Variants in PLEKHA5 observed in about 807,000 individuals in gnomAD.
PLEKHA5 encodes pleckstrin homology domain-containing family A member 5.
In PLEKHA5, 55 loss-of-function variants were observed where a neutral mutation model predicts 181.9. The ratio of observed to expected loss-of-function variants is 0.30; its 90% confidence interval spans 0.24 to 0.38. PLEKHA5 has a LOEUF of 0.38. Among genes scored for constraint, PLEKHA5 ranks in the 10% least tolerant of loss-of-function variants. The pLI, the probability that PLEKHA5 is intolerant of heterozygous loss-of-function variation, is 1.00. For missense variants in PLEKHA5, 1,432 were observed against 1,549.5 expected, an observed-to-expected ratio of 0.92 and a Z score of 1.27; for synonymous variants, 535 against 529.4, an observed-to-expected ratio of 1.01 and a Z score of -0.15.
chr12:19,360,819 G>A (rs59195426), intron 28 of PLEKHA5, among the ~76,000 whole-genome samples: 1 of 151,578 alleles, frequency 6.6e-6, no homozygotes, highest in African/African-American at 2.4e-5. Flanking sequence ...ACAGTGGCGT[G>A]ATCTTGGCTC....
intron 21 of PLEKHA5, among the ~76,000 whole-genome samples, chr12:19,341,469 G>A (rs959078090): frequency 5.3e-5 from 8 of 151,898 alleles, no homozygotes; most frequent in African/African-American, 1.5e-4. Flanking sequence ...GTTATTTATA[G>A]TGACCTTCCC....
At chr12:19,237,838 A>T (rs540045745) in intron 3 of PLEKHA5, among the ~76,000 whole-genome samples, 132 of 152,078 alleles carry the variant, frequency 8.7e-4, no homozygotes, top group African/African-American at 3.1e-3. Flanking sequence ...TAAAAGCATT[A>T]GTTTAAAAAG....
chr12:19,219,077 TTA>T (rs1281816754), intron 3 of PLEKHA5, among the ~76,000 whole-genome samples: 1 of 152,074 alleles, frequency 6.6e-6, no homozygotes, highest in Non-Finnish European at 1.5e-5. Context: ...GCTGGTCCAC[TTA>T]TATGTGGATT....
At chr12:19,347,595 A>G (rs1015679091) in intron 24 of PLEKHA5, among the ~76,000 whole-genome samples, 1 of 152,076 alleles carries the variant, frequency 6.6e-6, no homozygotes, top group Non-Finnish European at 1.5e-5. Context: ...TAGGAAAACT[A>G]CTCAAAGATG....
intron 3 of PLEKHA5, among the ~76,000 whole-genome samples, chr12:19,240,138 G>A (rs1431543431): frequency 3.9e-5 from 6 of 152,094 alleles, no homozygotes; most frequent in Non-Finnish European, 7.4e-5. Context: ...AATACTGCAC[G>A]ATACGGAATA....
chr12:19,258,561 C>CTTTTTTTTTTT (rs71440398), intron 6 of PLEKHA5, among the ~76,000 whole-genome samples: 7 of 123,796 alleles, frequency 5.7e-5, no homozygotes, highest in Non-Finnish European at 9.6e-5. Flanking sequence ...TTTTCTTTTT[C>CTTTTTTTTTTT]TTTTTTTTTT....
chr12:19,249,481 T>G (rs1433466569), intron 3 of PLEKHA5, among the ~76,000 whole-genome samples: 1 of 152,172 alleles, frequency 6.6e-6, no homozygotes, highest in African/African-American at 2.4e-5. Flanking sequence ...AGCTCACAAT[T>G]TAAAACTTAA....
intron 3 of PLEKHA5, among the ~76,000 whole-genome samples, chr12:19,239,514 C>T (rs2062055460): frequency 6.6e-6 from 1 of 152,114 alleles, no homozygotes; most frequent in Non-Finnish European, 1.5e-5. Flanking sequence ...CTAAACTGAA[C>T]CTAAATTAGG....
intron 3 of PLEKHA5, among the ~76,000 whole-genome samples, chr12:19,251,619 C>G (rs2065316261): frequency 6.7e-6 from 1 of 149,792 alleles, no homozygotes; most frequent in African/African-American, 2.5e-5. Context: ...CATGCATAAG[C>G]AAATGCCAAG....
intron 3 of PLEKHA5, among the ~76,000 whole-genome samples, chr12:19,216,678 A>G (rs2058035655): frequency 6.6e-6 from 1 of 151,818 alleles, no homozygotes; most frequent in South Asian, 2.1e-4. Flanking sequence ...AAAAAAAAAA[A>G]GTTCTGTTAA....
intron 15 of PLEKHA5, among the ~76,000 whole-genome samples, chr12:19,302,906 A>ATTTTTTTTTTTTTTTTTTTTTTTTTTTT (rs34702332): frequency 1.9e-5 from 1 of 53,966 alleles, no homozygotes; most frequent in African/African-American, 7.5e-5. Flanking sequence ...TCTGTATGAA[A>ATTTTTTTTTTTTTTTTTTTTTTTTTTTT]TTTTTTTTTT....
chr12:19,373,797 T>C (rs1051886062), intron 31 of PLEKHA5: 6 of 152,216 alleles, frequency 3.9e-5, no homozygotes, highest in African/African-American at 1.4e-4. Context: ...GAAAAATGTA[T>C]ACATTAAGAG....
intron 16 of PLEKHA5, among the ~76,000 whole-genome samples, chr12:19,316,435 G>A (rs940552137): frequency 6.7e-6 from 1 of 149,662 alleles, no homozygotes; most frequent in Non-Finnish European, 1.5e-5. Context: ...GCTGAGGGGG[G>A]GGAAAGTGAA....
intron 3 of PLEKHA5, among the ~76,000 whole-genome samples, chr12:19,136,797 A>C (rs374568362): frequency 1.3e-5 from 2 of 152,288 alleles, no homozygotes; most frequent in South Asian, 2.1e-4. Context: ...CTAAGTTCTG[A>C]AAATTGAACT....
At chr12:19,287,073 C>T (rs1486906402) in intron 12 of PLEKHA5, among the ~76,000 whole-genome samples, 2 of 152,134 alleles carry the variant, frequency 1.3e-5, no homozygotes, top group African/African-American at 4.8e-5. Flanking sequence ...TCTCGGCTCA[C>T]TGCAACCTCT....
intron 14 of PLEKHA5, 22 bp downstream of exon 14, chr12:19,290,818 C>T: frequency 6.6e-7 from 1 of 1,513,742 alleles, no homozygotes; most frequent in Non-Finnish European, 8.8e-7. Flanking sequence ...AGAGATTTGT[C>T]TGTGTCGTCT....
intron 3 of PLEKHA5, among the ~76,000 whole-genome samples, chr12:19,193,479 A>C (rs1237115086): frequency 1.3e-5 from 2 of 152,068 alleles, no homozygotes; most frequent in Non-Finnish European, 2.9e-5. Context: ...GTTTATTCTG[A>C]TTTAGAGTTT....
intron 21 of PLEKHA5, among the ~76,000 whole-genome samples, chr12:19,340,089 A>G (rs2093737468): frequency 6.6e-6 from 1 of 152,148 alleles, no homozygotes; most frequent in Admixed American, 6.6e-5. Context: ...TTAAAGATTT[A>G]CCCTCAATGA....
chr12:19,312,122 C>T (rs1375897044), intron 15 of PLEKHA5, among the ~76,000 whole-genome samples: 1 of 152,176 alleles, frequency 6.6e-6, no homozygotes, highest in Admixed American at 6.5e-5. Flanking sequence ...TCTTTCTGAG[C>T]ATTAGTTCTC....
Sources: allele counts gnomAD v4.1 joint callset (sites outside exome capture counted in the v4.1 genomes callset), GRCh38; gene constraint gnomAD v4.1.1; transcripts MANE v1.5; gene names NCBI Gene and HGNC (gene_info 2026-07-23, HGNC 2026-07-21).